PLK4: variants seen among roughly 807,000 people sequenced by gnomAD.
PLK4 encodes the protein polo like kinase 4.
Under a neutral mutation model 103.0 loss-of-function variants are expected in PLK4, and 51 were observed. The ratio of observed to expected loss-of-function variants is 0.50; its 90% CI spans 0.40 to 0.63. The LOEUF is 0.63. PLK4 is among the 20% of genes least tolerant of loss of function. The probability of loss-of-function intolerance (pLI) is 0.00; values close to 1 mark genes in which losing one functional copy is unlikely to be tolerated. For synonymous variants in PLK4, 389 were observed against 376.8 expected, an observed-to-expected ratio of 1.03 and a Z score of -0.38; for missense variants, 1,054 against 1,151.0, an observed-to-expected ratio of 0.92 and a Z score of 1.22.
rs1735687122 is a variant in PLK4, at chr4:127,899,195, T to C, written c.*654T>C. On this transcript the variant is annotated 3_prime_UTR_variant, in exon 16 of 16. Coordinates refer to ENST00000270861, the MANE Select transcript of PLK4 (RefSeq NM_014264.5). ...TTTTAAATATTAATTTTGCAAATGT[T>C]AAATACATTGTTTCTCTATTATCTG... 1 of 152,214 alleles carries C rather than the reference T, an allele frequency of 6.6e-6. No individual in the cohort carries two copies. The highest frequency in any genetic ancestry group is 1.5e-5 in the Non-Finnish European group (1 of 68,034). The allele number at this position is 152,214 out of a possible 1,614,324, so 9.4% of individuals were successfully genotyped here.
chr4:127,883,389 G>T (rs754160174), intron 3 of PLK4, 32 bp downstream of exon 3: 1 of 1,434,790 alleles, frequency 7.0e-7, no homozygotes, highest in South Asian at 1.2e-5. Context: ...AGTGACCAAG[G>T]ACACTGAATT....
chr4:127,896,884 C>G lies in PLK4; in HGVS notation c.2787C>G (p.Thr929=). ...CAGGAGTGTCTTCTATCAGTTATAC[C>G]TCACCAAATGGTCAAACAACTAGGT... ...VQAGVSSISY[T]SPNGQTTRYG... is the part of the protein sequence containing the mutation. Residue 929 remains threonine, a synonymous_variant, in exon 15 of 16, where the codon ACC becomes ACG. Coordinates refer to ENST00000270861, the MANE Select transcript of PLK4 (RefSeq NM_014264.5). 1 of 1,604,838 alleles carries G rather than the reference C, an allele frequency of 6.2e-7. No individual in the cohort carries two copies. The highest frequency in any genetic ancestry group is 8.5e-7 in the Non-Finnish European group (1 of 1,172,244).
intron 7 of PLK4, among the ~76,000 whole-genome samples, chr4:127,890,812 A>G (rs530571242): frequency 1.3e-5 from 2 of 151,954 alleles, no homozygotes; most frequent in South Asian, 4.2e-4. Flanking sequence ...TTGGCTTGCT[A>G]TTATCTTTTC....
In PLK4 at chr4:127,893,386, G is replaced by A; in HGVS notation, c.2290G>A (p.Glu764Lys). The A allele has an allele frequency of 6.2e-7, 1 of 1,608,548 alleles. No individual in the cohort carries two copies. ...SESEVNSLKE[E>K]IKMYMDHANE... is the part of the protein sequence containing the mutation. ...AAGTGAAGTTAATAGCTTGAAAGAG[G>A]AGATAAAAATGTATATGGACCATGC... The change falls in exon 11 of 16, where the codon GAG becomes AAG. Residue 764 changes from glutamate to lysine, a missense_variant. By Grantham distance (56) the Glu-to-Lys change is moderately conservative (BLOSUM62 1). Transcript: ENST00000270861.
At position 127,897,824 on chromosome 4, in the gene PLK4, C is replaced by CTTTTTTTTTTTTTTTTTTTTTTTTT. The variant is rs200741150; in HGVS notation, c.2811-605_2811-581dup. Among the ~76,000 whole-genome samples the CTTTTTTTTTTTTTTTTTTTTTTTTT allele has an allele frequency of 3.5e-4, 10 of 28,804 alleles. 4 individuals are homozygous for CTTTTTTTTTTTTTTTTTTTTTTTTT. Among genetic ancestry groups the CTTTTTTTTTTTTTTTTTTTTTTTTT allele is most frequent in the Admixed American group, 7.5e-4 (2 of 2,674 alleles). 18.9% of individuals were successfully genotyped at this position (28,804 alleles called of 152,430 possible). On this transcript the variant is annotated intron_variant, in intron 15 of 15. Transcript: ENST00000270861. ...TTGGTATTTTTCTGTAGAATTAGGG[C>CTTTTTTTTTTTTTTTTTTTTTTTTT]TTTTTTTTTTTTTTTTTTTTTTTTT...
intron 4 of PLK4, among the ~76,000 whole-genome samples, chr4:127,884,507 A>G (rs1010530899): frequency 2.6e-5 from 4 of 152,232 alleles, no homozygotes; most frequent in African/African-American, 9.6e-5. Flanking sequence ...TACTTCATTA[A>G]AAAAGGCCTT....
chr4:127,888,196 A>AAAAAAAAAAC (rs1735215017), intron 6 of PLK4, among the ~76,000 whole-genome samples: 2 of 143,068 alleles, frequency 1.4e-5, no homozygotes, highest in Non-Finnish European at 3.0e-5. Flanking sequence ...AAAAAAAAAA[A>AAAAAAAAAAC]AAAAAAAAAA....
At chr4:127,891,279 G>GT (rs1455673174) in intron 8 of PLK4, 83 bp downstream of exon 8, 7 of 704,628 alleles carry the variant, frequency 9.9e-6, no homozygotes, top group Admixed American at 5.6e-5. Flanking sequence ...TTACAATGAT[G>GT]TAAGTTTTTT....
chr4:127,896,267 G>A (rs1735562416), intron 14 of PLK4, among the ~76,000 whole-genome samples: 1 of 152,156 alleles, frequency 6.6e-6, no homozygotes, highest in African/African-American at 2.4e-5. Flanking sequence ...GCCTAGGTGT[G>A]TTTGATTTGG....
chr4:127,898,535 T>C lies in PLK4; in HGVS notation c.2907T>C (p.Phe969=), dbSNP rs1233567318. The C allele has an allele frequency of 1.4e-6, 2 of 1,444,460 alleles. No individual in the cohort carries two copies. The highest frequency in any genetic ancestry group is 1.9e-6 in the Non-Finnish European group (2 of 1,033,428). 89.5% of individuals were successfully genotyped at this position (1,444,460 alleles called of 1,614,324 possible). Residue 969 remains phenylalanine (F), a synonymous_variant, in exon 16 of 16, where the codon TTT becomes TTC. Coordinates refer to ENST00000270861, the MANE Select transcript of PLK4 (RefSeq NM_014264.5). The part of the protein sequence containing the change: ...LLMFSNPTPN[F]H Reference sequence around the variant, plus strand: ...TGTTTTCTAATCCGACTCCTAATTTTCATTGATTAAAACTCCTTTCAGACA... The same window carrying C: ...TGTTTTCTAATCCGACTCCTAATTTCCATTGATTAAAACTCCTTTCAGACA...
intron 4 of PLK4, 122 bp downstream of exon 4, chr4:127,883,675 T>C (rs984147394): frequency 4.1e-5 from 20 of 491,826 alleles, no homozygotes; most frequent in Non-Finnish European, 7.2e-5. Flanking sequence ...ATTATTACTT[T>C]AAGCTAGAAA....
chr4:127,897,053 A>G, intron 15 of PLK4, 146 bp downstream of exon 15: 1 of 556,920 alleles, frequency 1.8e-6, no homozygotes, highest in Non-Finnish European at 3.2e-6. Context: ...ATTCTTAGCA[A>G]TTCATGTAGT....
chr4:127,889,509 T>G (rs1190281547), intron 6 of PLK4, among the ~76,000 whole-genome samples: 1 of 152,178 alleles, frequency 6.6e-6, no homozygotes, highest in Non-Finnish European at 1.5e-5. Flanking sequence ...AATGATTACT[T>G]GGGAACTCAA....
rs138695195 is a variant in PLK4, at chr4:127,891,342, G to A, written c.1935+146G>A. The A allele has an allele frequency of 1.3e-3, 607 of 466,134 alleles. 5 individuals are homozygous for A. The highest frequency in any genetic ancestry group is 0.01 in the South Asian group (192 of 18,398). The allele number at this position is 466,134 out of a possible 1,614,324, so 28.9% of individuals were successfully genotyped here. A position where few individuals can be genotyped will look rare whatever the true frequency, so the allele number is the denominator to read the frequency against. On this transcript the variant is annotated intron_variant, in intron 8 of 15. Coordinates refer to ENST00000270861, the MANE Select transcript of PLK4 (RefSeq NM_014264.5). ...TCTCTGGAATTCAAAAATTGAAATA[G>A]CATATTAAACATATTTAAATAAATT...
chr4:127,891,224 C>A (rs770176287), intron 8 of PLK4, 28 bp downstream of exon 8: 8 of 1,093,428 alleles, frequency 7.3e-6, no homozygotes, highest in Non-Finnish European at 9.5e-6. Context: ...TATTACCTTG[C>A]AACTTCAAAT....
intron 14 of PLK4, among the ~76,000 whole-genome samples, chr4:127,895,945 T>C (rs900187186): frequency 1.3e-5 from 2 of 152,334 alleles, no homozygotes. Flanking sequence ...TAGAATTTTA[T>C]GTAGTTGTGA....
At chr4:127,887,524 A>T in intron 6 of PLK4, 28 bp downstream of exon 6, 2 of 1,222,360 alleles carry the variant, frequency 1.6e-6, no homozygotes, top group Non-Finnish European at 2.4e-6. Context: ...TATTTAATCA[A>T]GAATTAATTA....
At position 127,883,311 on chromosome 4, in the gene PLK4, A is replaced by G. The variant is rs1734999708; in HGVS notation, c.176A>G (p.Asn59Ser). The change falls in exon 3 of 16, where the codon AAT (asparagine) becomes AGT (serine). Residue 59 changes from asparagine (N) to serine (S), a missense_variant. Coordinates refer to ENST00000270861, the MANE Select transcript of PLK4 (RefSeq NM_014264.5). ...YKAGMVQRVQ[N>S]EVKIHCQLKH... ...GCAGGAATGGTACAGAGAGTCCAAA[A>G]TGAGGTGAAAATACATTGCCAATTG... 1.9e-6 allele frequency: 3 copies of G among 1,605,176 alleles called. No homozygotes were observed. The highest frequency in any genetic ancestry group is 2.6e-6 in the Non-Finnish European group (3 of 1,172,140).
intron 10 of PLK4, chr4:127,893,059 T>C (rs1735423496): frequency 2.9e-6 from 1 of 344,756 alleles, no homozygotes; most frequent in Non-Finnish European, 5.2e-6. Flanking sequence ...ATAGTGATTT[T>C]TTAAAATGTA....
Sources: allele counts gnomAD v4.1 joint callset (sites outside exome capture counted in the v4.1 genomes callset), GRCh38; gene constraint gnomAD v4.1.1; transcripts MANE v1.5; gene names NCBI Gene and HGNC (gene_info 2026-07-23, HGNC 2026-07-21).